Variants in ENOX1 observed in about 807,000 individuals in gnomAD.
ENOX1 encodes candidate growth-related and time keeping constitutive hydroquinone (NADH) oxidase.
A neutral mutation model predicts 82.5 loss-of-function variants in ENOX1; 42 were observed. That is an observed-to-expected ratio of 0.51 (90% confidence interval 0.40 to 0.66). The LOEUF is 0.66. Ranked by LOEUF, ENOX1 falls within the 30% of genes least tolerant of loss-of-function variation. The pLI, the probability that ENOX1 is intolerant of heterozygous loss-of-function variation, is 0.00. For synonymous variants in ENOX1, 271 were observed against 282.2 expected, an observed-to-expected ratio of 0.96 and a Z score of 0.40; for missense variants, 608 against 811.6, an observed-to-expected ratio of 0.75 and a Z score of 3.05.
chr13:43,598,009 C>A (rs1343730385), intron 2 of ENOX1, among the ~76,000 whole-genome samples: 1 of 152,076 alleles, frequency 6.6e-6, no homozygotes, highest in Non-Finnish European at 1.5e-5. Flanking sequence ...CCCTTCCCTG[C>A]CTCATCACTC....
intron 4 of ENOX1, among the ~76,000 whole-genome samples, chr13:43,412,519 C>T (rs745357947): frequency 6.6e-6 from 1 of 152,154 alleles, no homozygotes; most frequent in African/African-American, 2.4e-5. Context: ...AGTGTTACCT[C>T]GTAATCTATT....
At chr13:43,534,924 CTGGATCCA>C (rs1312247193) in intron 2 of ENOX1, among the ~76,000 whole-genome samples, 8 of 152,336 alleles carry the variant, frequency 5.3e-5, no homozygotes, top group African/African-American at 1.9e-4. Flanking sequence ...ATGCATGCTT[CTGGATCCA>C]TGGATTTAAA....
At chr13:43,497,598 A>G (rs1277866165) in intron 2 of ENOX1, among the ~76,000 whole-genome samples, 2 of 152,154 alleles carry the variant, frequency 1.3e-5, no homozygotes, top group Non-Finnish European at 2.9e-5. Context: ...CTGTATGTTA[A>G]TACATAATAA....
At chr13:43,343,772 A>G (rs889714452) in intron 9 of ENOX1, among the ~76,000 whole-genome samples, 3 of 152,132 alleles carry the variant, frequency 2.0e-5, no homozygotes, top group Admixed American at 6.5e-5. Flanking sequence ...GTGTCATTCA[A>G]TGGCTTTTAC....
intron 14 of ENOX1, among the ~76,000 whole-genome samples, chr13:43,240,811 T>G (rs1045680113): frequency 2.0e-5 from 3 of 152,264 alleles, no homozygotes; most frequent in Non-Finnish European, 2.9e-5. Context: ...GCTCTTTTTA[T>G]GGGGCCTTTC....
intron 2 of ENOX1, among the ~76,000 whole-genome samples, chr13:43,662,903 T>C (rs554106300): frequency 3.0e-4 from 45 of 152,354 alleles, no homozygotes; most frequent in African/African-American, 1.0e-3. Flanking sequence ...TATTCAAAGT[T>C]CTGGAATTCA....
intron 5 of ENOX1, among the ~76,000 whole-genome samples, chr13:43,398,209 G>C (rs2053268997): frequency 6.6e-6 from 1 of 152,174 alleles, no homozygotes; most frequent in African/African-American, 2.4e-5. Context: ...CAATACACGA[G>C]TTTTAATTTG....
intron 12 of ENOX1, among the ~76,000 whole-genome samples, chr13:43,292,376 G>A (rs1454648325): frequency 1.3e-5 from 2 of 152,164 alleles, no homozygotes; most frequent in East Asian, 3.9e-4. Flanking sequence ...TGGGCATGGA[G>A]CGCCCACCTA....
At chr13:43,745,059 G>C (rs7986483) in intron 1 of ENOX1, among the ~76,000 whole-genome samples, 14,192 of 152,214 alleles carry the variant, frequency 0.093, 1,098 homozygotes, top group African/African-American at 0.21. Context: ...GCTGGGCCTT[G>C]AGCTCCACAG....
chr13:43,321,810 A>G (rs990254872), intron 11 of ENOX1, among the ~76,000 whole-genome samples: 1 of 152,234 alleles, frequency 6.6e-6, no homozygotes, highest in African/African-American at 2.4e-5. Context: ...ATATAATTCA[A>G]TGAGAGCGTT....
At chr13:43,376,445 G>A (rs2051639917) in intron 5 of ENOX1, among the ~76,000 whole-genome samples, 1 of 152,180 alleles carries the variant, frequency 6.6e-6, no homozygotes, top group South Asian at 2.1e-4. Context: ...CCATCATCAA[G>A]TTACTTGTGT....
At chr13:43,593,723 C>G (rs1381186531) in intron 2 of ENOX1, among the ~76,000 whole-genome samples, 4 of 127,718 alleles carry the variant, frequency 3.1e-5, no homozygotes, top group Non-Finnish European at 6.6e-5. Context: ...CACACACACA[C>G]AGGCACTCCC....
chr13:43,432,202 G>C (rs2055713968), intron 3 of ENOX1, among the ~76,000 whole-genome samples: 1 of 152,088 alleles, frequency 6.6e-6, no homozygotes, highest in African/African-American at 2.4e-5. Flanking sequence ...GTCGTCTCCT[G>C]ATCTGTTGGC....
At chr13:43,603,309 TTAA>T (rs1285134525) in intron 2 of ENOX1, among the ~76,000 whole-genome samples, 1 of 151,988 alleles carries the variant, frequency 6.6e-6, no homozygotes, top group African/African-American at 2.4e-5. Flanking sequence ...TCCTAAGAGT[TTAA>T]TAATAATGAT....
chr13:43,390,127 G>C (rs1384887900), intron 5 of ENOX1, among the ~76,000 whole-genome samples: 1 of 152,122 alleles, frequency 6.6e-6, no homozygotes, highest in African/African-American at 2.4e-5. Context: ...TTCACAGCAG[G>C]AGAAATAATC....
chr13:43,721,388 T>TC (rs1293253601), intron 1 of ENOX1, among the ~76,000 whole-genome samples: 2 of 140,492 alleles, frequency 1.4e-5, no homozygotes, highest in Non-Finnish European at 3.1e-5. Context: ...TTTTTTTTTT[T>TC]TTTTTTTTGA....
intron 5 of ENOX1, among the ~76,000 whole-genome samples, chr13:43,399,385 G>A (rs2208997): frequency 0.98 from 149,564 of 152,264 alleles, 73,525 homozygotes; most frequent in East Asian, 1. Flanking sequence ...GTGCTTCCAC[G>A]TGGCTTGCAG....
At chr13:43,357,895 G>A (rs1163625599) in intron 7 of ENOX1, among the ~76,000 whole-genome samples, 1 of 152,172 alleles carries the variant, frequency 6.6e-6, no homozygotes, top group Non-Finnish European at 1.5e-5. Context: ...CTTCCTTCCT[G>A]CCTTTCCAGT....
chr13:43,270,344 C>T (rs2044614610), intron 12 of ENOX1, among the ~76,000 whole-genome samples: 1 of 152,190 alleles, frequency 6.6e-6, no homozygotes, highest in South Asian at 2.1e-4. Flanking sequence ...CTGGAAACAG[C>T]TCTGACTATT....
Sources: allele counts gnomAD v4.1 joint callset (sites outside exome capture counted in the v4.1 genomes callset), GRCh38; gene constraint gnomAD v4.1.1; transcripts MANE v1.5; gene names NCBI Gene and HGNC (gene_info 2026-07-23, HGNC 2026-07-21).